The following PDE4B variants were observed in gnomAD, a reference collection of about 807,000 sequenced individuals.
PDE4B encodes 3',5'-cyclic-AMP phosphodiesterase 4B.
Under a neutral mutation model 82.2 loss-of-function variants are expected in PDE4B, and 20 were observed. That is an observed-to-expected ratio of 0.24 (90% CI 0.17 to 0.35). The LOEUF is 0.35. PDE4B is among the 10% of genes least tolerant of loss of function. The probability of loss-of-function intolerance (pLI) is 1.00; values close to 1 mark genes in which losing one functional copy is unlikely to be tolerated. For synonymous variants in PDE4B, 320 were observed against 318.9 expected, an observed-to-expected ratio of 1.00 and a Z score of -0.04; for missense variants, 655 against 907.2, an observed-to-expected ratio of 0.72 and a Z score of 3.57.
chr1:65,903,730 CAT>C (rs1646997536), intron 1 of PDE4B, among the ~76,000 whole-genome samples: 1 of 152,186 alleles, frequency 6.6e-6, no homozygotes, highest in South Asian at 2.1e-4. Flanking sequence ...AGTATTACCA[CAT>C]GAGTTTCAGC....
At chr1:66,153,405 C>T (rs1646441346) in intron 3 of PDE4B, among the ~76,000 whole-genome samples, 1 of 152,228 alleles carries the variant, frequency 6.6e-6, no homozygotes, top group South Asian at 2.1e-4. Flanking sequence ...CCTTGCTCTG[C>T]TTTGCATTAT....
At chr1:65,959,362 C>T (rs1440179256) in intron 3 of PDE4B, among the ~76,000 whole-genome samples, 1 of 151,940 alleles carries the variant, frequency 6.6e-6, no homozygotes, top group African/African-American at 2.4e-5. Context: ...TTTAAATGGG[C>T]TTTTCAATGA....
intron 3 of PDE4B, chr1:65,992,638 C>CGTA: frequency 1.2e-6 from 1 of 858,184 alleles, no homozygotes; most frequent in Non-Finnish European, 1.5e-6. Context: ...GCAGACAAAC[C>CGTA]TCATCCACAA....
intron 3 of PDE4B, chr1:66,042,540 G>A (rs943996550): frequency 2.0e-5 from 3 of 151,646 alleles, no homozygotes; most frequent in African/African-American, 7.3e-5. Flanking sequence ...AATTCAAAGG[G>A]CAGAACAATA....
chr1:65,964,679 A>G (rs1649721629), intron 3 of PDE4B, among the ~76,000 whole-genome samples: 1 of 152,204 alleles, frequency 6.6e-6, no homozygotes, highest in African/African-American at 2.4e-5. Flanking sequence ...GTAAGTGAGC[A>G]TGATTTAATT....
intron 3 of PDE4B, among the ~76,000 whole-genome samples, chr1:66,009,905 T>TTATCTATCTGTC (rs1553132013): frequency 0.029 from 3,843 of 130,514 alleles, 72 homozygotes; most frequent in East Asian, 0.037. Context: ...ATCTGTATCT[T>TTATCTATCTGTC]TATCTATCTA....
chr1:66,119,917 A>T (rs1349896240), intron 3 of PDE4B, among the ~76,000 whole-genome samples: 2 of 152,154 alleles, frequency 1.3e-5, no homozygotes, highest in Non-Finnish European at 2.9e-5. Context: ...TCTACAAGCC[A>T]TGGAATCTCT....
chr1:66,069,821 C>T (rs1656059027), intron 3 of PDE4B, among the ~76,000 whole-genome samples: 1 of 152,008 alleles, frequency 6.6e-6, no homozygotes, highest in Non-Finnish European at 1.5e-5. Context: ...CATTGTATCT[C>T]TCACTTAAAC....
intron 12 of PDE4B, among the ~76,000 whole-genome samples, chr1:66,364,784 A>C (rs1663108650): frequency 6.6e-6 from 1 of 152,184 alleles, no homozygotes; most frequent in Non-Finnish European, 1.5e-5. Context: ...TGTTATTAAT[A>C]GTATACCTGC....
intron 8 of PDE4B, among the ~76,000 whole-genome samples, chr1:66,342,984 G>A (rs1275380994): frequency 3.3e-5 from 5 of 152,178 alleles, no homozygotes; most frequent in African/African-American, 1.2e-4. Flanking sequence ...GGCAGAGGTT[G>A]TAGTGCACCA....
At chr1:66,140,782 T>A (rs938932691) in intron 3 of PDE4B, among the ~76,000 whole-genome samples, 3 of 152,190 alleles carry the variant, frequency 2.0e-5, no homozygotes, top group African/African-American at 7.2e-5. Context: ...ATGGATGCAT[T>A]TTCATTGGGA....
intron 1 of PDE4B, among the ~76,000 whole-genome samples, chr1:65,812,722 C>T (rs370672776): frequency 3.9e-5 from 6 of 152,098 alleles, no homozygotes; most frequent in African/African-American, 7.2e-5. Context: ...ACTGAGGGGA[C>T]GACTGTCTCA....
intron 1 of PDE4B, among the ~76,000 whole-genome samples, chr1:65,905,315 T>A (rs932055596): frequency 2.0e-5 from 3 of 152,138 alleles, no homozygotes. Context: ...CCCGGCAAAG[T>A]TGAAGACATG....
At chr1:65,967,899 T>A (rs1293986196) in intron 3 of PDE4B, among the ~76,000 whole-genome samples, 1 of 151,926 alleles carries the variant, frequency 6.6e-6, no homozygotes, top group Non-Finnish European at 1.5e-5. Flanking sequence ...GAGATAACAT[T>A]AGGAGAAATA....
At chr1:66,147,295 A>C (rs577690088) in intron 3 of PDE4B, among the ~76,000 whole-genome samples, 1 of 152,296 alleles carries the variant, frequency 6.6e-6, no homozygotes, top group East Asian at 1.9e-4. Context: ...ATTCGTTATC[A>C]TATTTGGCCC....
chr1:66,188,735 C>T (rs547030207), intron 3 of PDE4B, among the ~76,000 whole-genome samples: 4 of 151,730 alleles, frequency 2.6e-5, no homozygotes, highest in African/African-American at 9.7e-5. Context: ...TGTCTCTGCA[C>T]ATGAGATGGG....
In PDE4B at chr1:66,372,671, A is replaced by G. The variant is rs1238076177; in HGVS notation, c.2204A>G (p.Asp735Gly). 2 of 1,611,046 alleles carry G rather than the reference A, an allele frequency of 1.2e-6. No homozygotes were observed. The highest frequency in any genetic ancestry group is 1.7e-5 in the Admixed American group (1 of 59,880). ...DIATEDKSPV[D>G]T ...GCAACAGAAGACAAGTCCCCCGTGG[A>G]TACATAATCCCCCTCTCCCTGTGGA... Residue 735 changes from aspartate (D) to glycine (G), a missense_variant, in exon 17 of 17, where the codon GAT (aspartate) becomes GGT (glycine). Coordinates refer to ENST00000341517, the MANE Select transcript of PDE4B (RefSeq NM_002600.4).
intron 3 of PDE4B, among the ~76,000 whole-genome samples, chr1:65,944,276 A>G (rs962245385): frequency 1.1e-4 from 16 of 151,694 alleles, no homozygotes; most frequent in African/African-American, 3.6e-4. Flanking sequence ...AGATTTGCAT[A>G]TGTTGAATCA....
intron 4 of PDE4B, among the ~76,000 whole-genome samples, chr1:66,253,309 A>G (rs1249432652): frequency 6.6e-6 from 1 of 152,248 alleles, no homozygotes; most frequent in East Asian, 1.9e-4. Context: ...TTCTGTGTGT[A>G]GTGAGAAAAC....
Sources: gnomAD v4.1 joint callset for allele counts (sites outside exome capture counted in the v4.1 genomes callset) on GRCh38, gnomAD v4.1.1 for gene constraint, MANE v1.5 for transcripts, NCBI Gene and HGNC (gene_info 2026-07-23, HGNC 2026-07-21) for gene names.